Variants in ZNF385B observed in about 807,000 individuals in gnomAD.
ZNF385B encodes the protein zinc finger protein 533.
ZNF385B carries 23 observed loss-of-function variants against 39.2 expected under a neutral mutation model. That is an observed-to-expected ratio of 0.59 (90% CI 0.42 to 0.83). The LOEUF is 0.83. ZNF385B is among the 40% of genes least tolerant of loss of function. The probability of loss-of-function intolerance (pLI) is 0.00; values close to 1 mark genes in which losing one functional copy is unlikely to be tolerated. For synonymous variants in ZNF385B, 205 were observed against 222.6 expected (o/e 0.92, Z 0.70); for missense variants, 552 against 598.9 (o/e 0.92, Z 0.82).
chr2:179,642,284 AG>A (rs1692334299), intron 3 of ZNF385B, among the ~76,000 whole-genome samples: 1 of 152,136 alleles, frequency 6.6e-6, no homozygotes, highest in Non-Finnish European at 1.5e-5. Context: ...GAAGATCTCT[AG>A]GGCATAAGAC....
In ZNF385B at chr2:179,480,697, C is replaced by CTT. The variant is rs34013544; in HGVS notation, c.715+2573_715+2574dup. Reference sequence around the variant, plus strand: ...ATGTATCTATTTAGCAAATGCACTCCTTTTTTTTTTTTAAGTGCCATCTTT... The same window carrying CTT: ...ATGTATCTATTTAGCAAATGCACTCCTTTTTTTTTTTTTTAAGTGCCATCTTT... On this transcript the variant is annotated intron_variant, in intron 6 of 9. Transcript: ENST00000410066. Among the ~76,000 whole-genome samples, 689 of 146,640 alleles carry CTT rather than the reference C, an allele frequency of 4.7e-3. 4 individuals carry two copies. Among genetic ancestry groups the CTT allele is most frequent in the African/African-American group, 0.015 (613 of 40,180 alleles).
intron 3 of ZNF385B, among the ~76,000 whole-genome samples, chr2:179,569,929 C>A (rs1478276827): frequency 1.3e-5 from 2 of 152,144 alleles, no homozygotes; most frequent in Non-Finnish European, 2.9e-5. Flanking sequence ...GTATCCTGAA[C>A]ATAGTTATGC....
At chr2:179,468,586 G>A (rs1442428155) in intron 6 of ZNF385B, among the ~76,000 whole-genome samples, 3 of 152,086 alleles carry the variant, frequency 2.0e-5, no homozygotes, top group Non-Finnish European at 4.4e-5. Context: ...TGAAATGAAT[G>A]GCTCTTTATA....
intron 3 of ZNF385B, among the ~76,000 whole-genome samples, chr2:179,685,399 G>A (rs1258432595): frequency 6.6e-6 from 1 of 152,098 alleles, no homozygotes; most frequent in African/African-American, 2.4e-5. Context: ...ACATTTGACT[G>A]ATTCCATAGT....
chr2:179,584,041 C>T lies in ZNF385B; in HGVS notation c.299-39072G>A. ...TACACATTGTTGAAGAAGACATAGT[C>T]CCTGTTTTCCAAAAGCTTATAGTCT... On this transcript the variant is annotated intron_variant, in intron 3 of 9. Transcript: ENST00000410066. The T allele has an allele frequency of 3.4e-6, 3 of 873,158 alleles. No homozygotes were observed. In the South Asian group the frequency reaches 4.2e-5, roughly 12 times the overall value. The allele number at this position is 873,158 out of a possible 1,614,324, so 54.1% of individuals were successfully genotyped here.
At chr2:179,835,671 G>A (rs1708211689) in intron 1 of ZNF385B, among the ~76,000 whole-genome samples, 1 of 151,874 alleles carries the variant, frequency 6.6e-6, no homozygotes, top group African/African-American at 2.4e-5. Flanking sequence ...TCCTTCTTCT[G>A]TTTGTCATTA....
chr2:179,815,273 T>C (rs935724641), intron 1 of ZNF385B, among the ~76,000 whole-genome samples: 3 of 152,188 alleles, frequency 2.0e-5, no homozygotes, highest in Non-Finnish European at 2.9e-5. Flanking sequence ...ATTTGATACC[T>C]GTGAGGAGGA....
At chr2:179,616,108 C>A (rs1256325285) in intron 3 of ZNF385B, among the ~76,000 whole-genome samples, 2 of 152,114 alleles carry the variant, frequency 1.3e-5, no homozygotes, top group African/African-American at 4.8e-5. Flanking sequence ...ATCCTAGAGG[C>A]TTACATATTA....
intron 1 of ZNF385B, among the ~76,000 whole-genome samples, chr2:179,793,024 T>C (rs1281763060): frequency 6.6e-6 from 1 of 152,168 alleles, no homozygotes; most frequent in Non-Finnish European, 1.5e-5. Context: ...TTGAGAAACT[T>C]TGAGGAAAAG....
chr2:179,533,909 A>C (rs1263863057), intron 4 of ZNF385B, among the ~76,000 whole-genome samples: 1 of 152,214 alleles, frequency 6.6e-6, no homozygotes, highest in East Asian at 1.9e-4. Flanking sequence ...CAGGTTCAAA[A>C]TGGCATGTAG....
intron 1 of ZNF385B, chr2:179,814,336 G>T (rs16867017): frequency 0.024 from 6,743 of 279,256 alleles, 111 homozygotes; most frequent in African/African-American, 0.038. Context: ...GCTGTCATTC[G>T]CTTCGGCCAC....
chr2:179,825,146 C>A (rs900720895), intron 1 of ZNF385B, among the ~76,000 whole-genome samples: 2 of 152,122 alleles, frequency 1.3e-5, no homozygotes, highest in African/African-American at 4.8e-5. Context: ...AATCAGTGGT[C>A]ATATGGTGTT....
intron 1 of ZNF385B, among the ~76,000 whole-genome samples, chr2:179,790,255 T>A (rs1197164255): frequency 6.6e-6 from 1 of 152,220 alleles, no homozygotes; most frequent in Admixed American, 6.5e-5. Flanking sequence ...TATATTTATT[T>A]CCTAATGCTC....
At chr2:179,448,826 C>T (rs1168236436) in intron 6 of ZNF385B, among the ~76,000 whole-genome samples, 7 of 152,090 alleles carry the variant, frequency 4.6e-5, no homozygotes, top group African/African-American at 1.7e-4. Context: ...AAGTACACAA[C>T]AGTCACCCTA....
chr2:179,604,935 A>AT (rs1286319411), intron 3 of ZNF385B, among the ~76,000 whole-genome samples: 2 of 152,140 alleles, frequency 1.3e-5, no homozygotes, highest in African/African-American at 4.8e-5. Flanking sequence ...AGCAAGGTAC[A>AT]TAACTGACAA....
chr2:179,554,244 G>A (rs953547151), intron 3 of ZNF385B, among the ~76,000 whole-genome samples: 1 of 149,006 alleles, frequency 6.7e-6, no homozygotes, highest in Non-Finnish European at 1.5e-5. Flanking sequence ...TACCATAAAC[G>A]GCAGGGGTCA....
At chr2:179,645,659 C>T (rs1692656431) in intron 3 of ZNF385B, among the ~76,000 whole-genome samples, 1 of 152,094 alleles carries the variant, frequency 6.6e-6, no homozygotes, top group Admixed American at 6.5e-5. Context: ...TCTAAAGTGC[C>T]TTCTCCATCC....
intron 3 of ZNF385B, among the ~76,000 whole-genome samples, chr2:179,681,297 T>C (rs1367323148): frequency 6.6e-6 from 1 of 152,100 alleles, no homozygotes; most frequent in South Asian, 2.1e-4. Flanking sequence ...CAGTAAAAAA[T>C]TTCAGTTACA....
intron 3 of ZNF385B, among the ~76,000 whole-genome samples, chr2:179,663,372 T>C (rs955605344): frequency 6.6e-6 from 1 of 152,122 alleles, no homozygotes; most frequent in African/African-American, 2.4e-5. Context: ...TAGCACTCAG[T>C]TTTAGTTGCT....
Sources: gnomAD v4.1 joint callset for allele counts (sites outside exome capture counted in the v4.1 genomes callset) on GRCh38, gnomAD v4.1.1 for gene constraint, MANE v1.5 for transcripts, NCBI Gene and HGNC (gene_info 2026-07-23, HGNC 2026-07-21) for gene names.